MALRD1: variants seen among roughly 807,000 people sequenced by gnomAD.
The protein encoded by MALRD1 is MAM and LDL receptor class A domain containing 1.
In MALRD1, 247 loss-of-function variants were observed where a neutral mutation model predicts 242.1. That is an observed-to-expected ratio of 1.02 (90% CI 0.92 to 1.13). The LOEUF (loss-of-function observed/expected upper bound fraction) is 1.13, where lower values mean the gene tolerates loss of function less well. MALRD1 is among the 50% of genes most tolerant of loss of function. The pLI is 0.00. For synonymous variants in MALRD1, 995 were observed against 866.6 expected (o/e 1.15, Z -2.60); for missense variants, 2,989 against 2,533.1 (o/e 1.18, Z -3.86).
At chr10:19,515,542 T>C (rs1002155542) in intron 31 of MALRD1, among the ~76,000 whole-genome samples, 3 of 151,734 alleles carry the variant, frequency 2.0e-5, no homozygotes, top group African/African-American at 7.3e-5. Context: ...GCCTCAACTT[T>C]CTCTTTTTTT....
rs72782166 is a variant in MALRD1, at chr10:19,656,243, C to G, written c.6138-36039C>G. Among the ~76,000 whole-genome samples, 6 of 152,098 alleles carry G rather than the reference C, an allele frequency of 3.9e-5. 1 individual carries two copies. The South Asian group carries it at 1.2e-3, about 32-fold the overall frequency. On this transcript the variant is annotated intron_variant, in intron 36 of 39. Transcript: ENST00000454679. ...TACTACTTGAGGTGTTTAGAGACTC[C>G]AAGCCATTCTTGGATTTATTTATGC...
At chr10:19,081,850 G>A (rs1835501439) in intron 2 of MALRD1, among the ~76,000 whole-genome samples, 1 of 151,914 alleles carries the variant, frequency 6.6e-6, no homozygotes, top group South Asian at 2.1e-4. Context: ...TGTTTTTATA[G>A]TATGTCTTTT....
chr10:19,289,449 TA>T (rs1261375425), intron 21 of MALRD1, among the ~76,000 whole-genome samples: 4 of 152,186 alleles, frequency 2.6e-5, no homozygotes, highest in African/African-American at 9.6e-5. Flanking sequence ...GTTTTATAAT[TA>T]TAGGCTACAG....
chr10:19,066,983 A>C (rs1441461168), intron 2 of MALRD1, 124 bp downstream of exon 2: 1 of 646,340 alleles, frequency 1.5e-6, no homozygotes, highest in Non-Finnish European at 2.2e-6. Context: ...TAATTAGGGA[A>C]GCAGAATCTT....
chr10:19,185,152 A>G (rs1835682468), intron 14 of MALRD1, among the ~76,000 whole-genome samples: 1 of 152,194 alleles, frequency 6.6e-6, no homozygotes, highest in Non-Finnish European at 1.5e-5. Context: ...AATAGTATAA[A>G]TGGTACATTT....
At chr10:19,292,664 G>A (rs994973209) in intron 21 of MALRD1, among the ~76,000 whole-genome samples, 2 of 151,850 alleles carry the variant, frequency 1.3e-5, no homozygotes, top group Non-Finnish European at 2.9e-5. Context: ...AGGCTGAGGC[G>A]GGCGGATCAC....
chr10:19,312,275 G>A (rs1279059277), intron 21 of MALRD1, among the ~76,000 whole-genome samples: 1 of 150,688 alleles, frequency 6.6e-6, no homozygotes, highest in African/African-American at 2.4e-5. Flanking sequence ...CCAAGGGTCG[G>A]CTTTTTCTGT....
At chr10:19,557,222 T>G (rs1252041991) in intron 32 of MALRD1, among the ~76,000 whole-genome samples, 1 of 152,066 alleles carries the variant, frequency 6.6e-6, no homozygotes, top group African/African-American at 2.4e-5. Flanking sequence ...TTTAGAATAT[T>G]TTCTTTGGTC....
At chr10:19,467,092 C>T (rs533884045) in intron 29 of MALRD1, among the ~76,000 whole-genome samples, 1 of 152,120 alleles carries the variant, frequency 6.6e-6, no homozygotes, top group African/African-American at 2.4e-5. Context: ...TGGTGGCTCA[C>T]GCCTGTAATC....
chr10:19,119,227 C>T (rs1245641789), intron 5 of MALRD1, among the ~76,000 whole-genome samples: 1 of 152,076 alleles, frequency 6.6e-6, no homozygotes, highest in Non-Finnish European at 1.5e-5. Context: ...ATAAGAAAGG[C>T]TGTGGGAAGA....
chr10:19,603,445 T>C (rs992102173), intron 34 of MALRD1, among the ~76,000 whole-genome samples: 5 of 152,184 alleles, frequency 3.3e-5, no homozygotes, highest in African/African-American at 9.7e-5. Context: ...ATTTATTAAA[T>C]AGGGACTCCT....
At chr10:19,270,522 A>G (rs1009401610) in intron 19 of MALRD1, among the ~76,000 whole-genome samples, 1 of 152,062 alleles carries the variant, frequency 6.6e-6, no homozygotes, top group Admixed American at 6.6e-5. Context: ...CAGGTGAGAG[A>G]AAAAAAGAGA....
At chr10:19,363,948 TA>T (rs1845005742) in intron 26 of MALRD1, among the ~76,000 whole-genome samples, 1 of 152,014 alleles carries the variant, frequency 6.6e-6, no homozygotes, top group Admixed American at 6.6e-5. Context: ...TGCATTGCAG[TA>T]AAAAAGAGAC....
At chr10:19,368,871 ATGTG>A (rs35474463) in intron 26 of MALRD1, among the ~76,000 whole-genome samples, 14 of 141,810 alleles carry the variant, frequency 9.9e-5, no homozygotes, top group East Asian at 4.1e-4. Flanking sequence ...TGATTTGTGT[ATGTG>A]TGTGTGTGTG....
rs569567491 is a variant in MALRD1, at chr10:19,101,051, A to G, written c.598-2928A>G. Among the ~76,000 whole-genome samples, 14 of 152,040 alleles carry G rather than the reference A, an allele frequency of 9.2e-5. No homozygotes were observed. In the South Asian group the frequency reaches 2.9e-3, roughly 31 times the overall value. ...TGTTACAATAGCAGTAGTGAACATT[A>G]TTTAATGCTAACTATATACCAGGTG... is the stretch of plus-strand genomic sequence containing the variant. On this transcript the variant is annotated intron_variant, in intron 4 of 39. Coordinates refer to ENST00000454679, the MANE Select transcript of MALRD1 (RefSeq NM_001142308.3).
chr10:19,553,852 C>T (rs533417518), intron 32 of MALRD1, among the ~76,000 whole-genome samples: 31 of 152,278 alleles, frequency 2.0e-4, no homozygotes, highest in Middle Eastern at 3.4e-3. Context: ...TATTCTCTCT[C>T]GTCTCCTAGG....
chr10:19,248,549 C>T (rs2131775452), intron 18 of MALRD1, among the ~76,000 whole-genome samples: 1 of 152,024 alleles, frequency 6.6e-6, no homozygotes, highest in African/African-American at 2.4e-5. Flanking sequence ...ATAGCTTCCT[C>T]TGTCATTTGA....
chr10:19,376,924 T>C (rs575112748), intron 26 of MALRD1, among the ~76,000 whole-genome samples: 5 of 152,238 alleles, frequency 3.3e-5, no homozygotes, highest in South Asian at 4.2e-4. Flanking sequence ...ACTAAGTTGA[T>C]TTATTGGGAA....
chr10:19,255,001 A>C (rs1389132399), intron 18 of MALRD1, among the ~76,000 whole-genome samples: 7 of 151,986 alleles, frequency 4.6e-5, no homozygotes, highest in Non-Finnish European at 8.8e-5. Flanking sequence ...TAGAAGGATG[A>C]GTTCAGGAAA....
Sources: gnomAD v4.1 joint callset for allele counts (sites outside exome capture counted in the v4.1 genomes callset) on GRCh38, gnomAD v4.1.1 for gene constraint, MANE v1.5 for transcripts, NCBI Gene and HGNC (gene_info 2026-07-23, HGNC 2026-07-21) for gene names.